Variants in NFASC observed in about 807,000 individuals in gnomAD.
NFASC encodes the protein neurofascin homolog.
NFASC carries 43 observed loss-of-function variants against 147.5 expected under a neutral mutation model. The ratio of observed to expected loss-of-function variants is 0.29; its 90% confidence interval spans 0.23 to 0.38. The LOEUF (loss-of-function observed/expected upper bound fraction) is 0.38. Ranked by LOEUF, NFASC falls within the 10% of genes least tolerant of loss-of-function variation. The pLI, the probability that NFASC is intolerant of heterozygous loss-of-function variation, is 1.00. For missense variants in NFASC, 1,320 were observed against 1,689.0 expected (o/e 0.78, Z 3.83); for synonymous variants, 622 against 665.5 (o/e 0.93, Z 1.01).
intron 1 of NFASC, among the ~76,000 whole-genome samples, chr1:204,841,782 T>A (rs1384623469): frequency 6.6e-6 from 1 of 152,202 alleles, no homozygotes; most frequent in Admixed American, 6.5e-5. Context: ...TTATATCACC[T>A]GGTGCCAGTC....
chr1:205,006,261 C>CTT (rs1312263949), intron 27 of NFASC, among the ~76,000 whole-genome samples: 2 of 152,194 alleles, frequency 1.3e-5, no homozygotes, highest in African/African-American at 4.8e-5. Context: ...TCACTGACTA[C>CTT]TTGTTATGTG....
At chr1:204,888,039 TAAAA>T (rs2081654680) in intron 1 of NFASC, among the ~76,000 whole-genome samples, 2 of 152,294 alleles carry the variant, frequency 1.3e-5, no homozygotes, top group Non-Finnish European at 2.9e-5. Context: ...GGCCTTGTGA[TAAAA>T]GAGACCCTGT....
At chr1:205,005,523 C>T (rs1218513732) in intron 27 of NFASC, among the ~76,000 whole-genome samples, 1 of 152,168 alleles carries the variant, frequency 6.6e-6, no homozygotes, top group Non-Finnish European at 1.5e-5. Context: ...TGTAAACGCA[C>T]CCTGGTCTTT....
intron 1 of NFASC, among the ~76,000 whole-genome samples, chr1:204,840,977 A>T (rs577319369): frequency 6.6e-6 from 1 of 152,356 alleles, no homozygotes; most frequent in South Asian, 2.1e-4. Flanking sequence ...GGTCCTGTAG[A>T]TGCTAGTGTT....
Position 204,920,697 on chromosome 1 carries a change from C to A in NFASC, c.-134C>A, listed in dbSNP as rs142757146. ...CTTCCCTCCGCAGCCTGGAACAGAG[C>A]CTCCTCTGGTGTTGCAAGGAAGAGG... On this transcript the variant is annotated 5_prime_UTR_variant, in exon 2 of 30. Transcript: ENST00000339876. The A allele has an allele frequency of 1.6e-4, 208 of 1,289,512 alleles. 1 individual carries two copies. The highest frequency in any genetic ancestry group is 6.9e-5 in the Non-Finnish European group (68 of 988,736). The allele number at this position is 1,289,512 out of a possible 1,614,324, so 79.9% of individuals were successfully genotyped here.
chr1:204,985,799 G>A (rs2095604038), intron 21 of NFASC: 1 of 694,592 alleles, frequency 1.4e-6, no homozygotes, highest in African/African-American at 1.8e-5. Flanking sequence ...GAGGTCATTT[G>A]GGACTTGGAG....
intron 7 of NFASC, 136 bp downstream of exon 7, chr1:204,955,087 G>A (rs2150022814): frequency 9.6e-7 from 1 of 1,040,388 alleles, no homozygotes; most frequent in Admixed American, 2.0e-5. Flanking sequence ...CAACCAGGCT[G>A]AGAACACAGG....
At chr1:204,924,264 T>C (rs916692371) in intron 2 of NFASC, among the ~76,000 whole-genome samples, 4 of 152,096 alleles carry the variant, frequency 2.6e-5, no homozygotes, top group Non-Finnish European at 5.9e-5. Flanking sequence ...CAGACTGATG[T>C]CTGTATGGGA....
At chr1:204,877,816 G>A (rs2079340450) in intron 1 of NFASC, among the ~76,000 whole-genome samples, 1 of 152,198 alleles carries the variant, frequency 6.6e-6, no homozygotes, top group African/African-American at 2.4e-5. Context: ...TGAGTGCTCA[G>A]CAGCATCTCC....
In NFASC at chr1:204,978,638, G is replaced by A. The variant is rs182569435; in HGVS notation, c.1877-330G>A. Among the ~76,000 whole-genome samples, 14 of 152,352 alleles carry A rather than the reference G, an allele frequency of 9.2e-5. No homozygotes were observed. The East Asian group carries it at 2.7e-3, about 29-fold the overall frequency. ...CGTGAGCATGGGTCTGATGACGGGT[G>A]GCATTCCTGAATGCTTGCACTCTCA... On this transcript the variant is annotated intron_variant, in intron 17 of 29. Coordinates refer to ENST00000339876, the MANE Select transcript of NFASC (RefSeq NM_001005388.3).
intron 1 of NFASC, among the ~76,000 whole-genome samples, chr1:204,853,912 G>A (rs1272726595): frequency 6.6e-6 from 1 of 152,198 alleles, no homozygotes; most frequent in Non-Finnish European, 1.5e-5. Context: ...GGGGAGGAAA[G>A]AGACAGGCCA....
chr1:204,846,338 A>T (rs1677029936), intron 1 of NFASC, among the ~76,000 whole-genome samples: 1 of 152,254 alleles, frequency 6.6e-6, no homozygotes, highest in African/African-American at 2.4e-5. Context: ...TTTTCCTGTG[A>T]TCTAATTGTG....
intron 1 of NFASC, among the ~76,000 whole-genome samples, chr1:204,876,573 A>G (rs77129534): frequency 0.014 from 2,190 of 152,170 alleles, 71 homozygotes; most frequent in African/African-American, 0.05. Context: ...ATGCTCCCCA[A>G]CTAGAACTGA....
rs186954041 is a variant in NFASC at position 204,950,619 on chromosome 1, G to A, written c.109+45G>A. On this transcript the variant is annotated intron_variant, in intron 4 of 29. Coordinates refer to ENST00000339876, the MANE Select transcript of NFASC (RefSeq NM_001005388.3). ...CTCTGTGCCTCTGGGAGTTGGGAGG[G>A]AGGAATGAGGCATGAGGTGATACCT... 1,863 of 1,588,450 alleles carry A rather than the reference G, an allele frequency of 1.2e-3. 7 individuals carry two copies. The highest frequency in any genetic ancestry group is 1.1e-3 in the Non-Finnish European group (1,229 of 1,159,926).
At chr1:204,886,840 A>C (rs2081391125) in intron 1 of NFASC, among the ~76,000 whole-genome samples, 1 of 152,184 alleles carries the variant, frequency 6.6e-6, no homozygotes, top group Admixed American at 6.5e-5. Flanking sequence ...ACTTCTTAGC[A>C]TGACTGTAGG....
At chr1:204,944,849 C>G (rs16854762) in intron 3 of NFASC, 1 of 159,208 alleles carries the variant, frequency 6.3e-6, no homozygotes, top group East Asian at 1.9e-4. Context: ...CCTTCGGGCC[C>G]TCTTGGCTGG....
At position 205,002,729 on chromosome 1, in the gene NFASC, C is replaced by T; in HGVS notation, c.3270C>T (p.Ile1090=). Residue 1090 remains isoleucine (I), a synonymous_variant, in exon 27 of 30, where the codon ATC becomes ATT. Transcript: ENST00000339876. ...RDNEGISSTV[I]TFMTSTAYTN... Reference sequence around the variant, plus strand: ...ACGAGGGCATCAGCAGTACCGTCATCACCTTTATGACCAGTACAGGTGAGA... The same window carrying T: ...ACGAGGGCATCAGCAGTACCGTCATTACCTTTATGACCAGTACAGGTGAGA... 6.4e-7 allele frequency: 1 copy of T among 1,555,182 alleles called. No individual in the cohort carries two copies.
At chr1:204,839,826 C>T (rs537232180) in intron 1 of NFASC, among the ~76,000 whole-genome samples, 1 of 152,302 alleles carries the variant, frequency 6.6e-6, no homozygotes, top group African/African-American at 2.4e-5. Context: ...TGTTGGGTCT[C>T]CATCAGCTCT....
chr1:204,894,928 T>C (rs979849609), intron 1 of NFASC, among the ~76,000 whole-genome samples: 2 of 152,154 alleles, frequency 1.3e-5, no homozygotes, highest in Admixed American at 1.3e-4. Flanking sequence ...TGGCAGAAGG[T>C]TATCTACCTA....
Sources: allele counts gnomAD v4.1 joint callset (sites outside exome capture counted in the v4.1 genomes callset), GRCh38; gene constraint gnomAD v4.1.1; transcripts MANE v1.5; gene names NCBI Gene and HGNC (gene_info 2026-07-23, HGNC 2026-07-21).